ZNF292: variants seen among roughly 807,000 people sequenced by gnomAD.
The protein encoded by ZNF292 is zinc finger protein 292.
Under a neutral mutation model 217.9 loss-of-function variants are expected in ZNF292, and 26 were observed. The ratio of observed to expected loss-of-function variants is 0.12; its 90% CI spans 0.09 to 0.17. The LOEUF (loss-of-function observed/expected upper bound fraction) is 0.17. Among genes scored for constraint, ZNF292 ranks in the 10% least tolerant of loss-of-function variants. The pLI is 1.00. For synonymous variants in ZNF292, 1,257 were observed against 1,124.1 expected, an observed-to-expected ratio of 1.12 and a Z score of -2.37; for missense variants, 2,904 against 3,175.2, an observed-to-expected ratio of 0.91 and a Z score of 2.05.
chr6:87,184,655 A>G (rs1771584228), intron 1 of ZNF292, among the ~76,000 whole-genome samples: 1 of 152,172 alleles, frequency 6.6e-6, no homozygotes, highest in African/African-American at 2.4e-5. Flanking sequence ...GAATTCACAT[A>G]AGAGATTCTG....
At chr6:87,237,033 A>G (rs1375839335) in intron 5 of ZNF292, among the ~76,000 whole-genome samples, 3 of 152,222 alleles carry the variant, frequency 2.0e-5, no homozygotes, top group African/African-American at 4.8e-5. Flanking sequence ...GGTTCAAACT[A>G]TCCTCCAGAA....
intron 1 of ZNF292, among the ~76,000 whole-genome samples, chr6:87,191,952 A>G (rs932214211): frequency 3.3e-5 from 5 of 152,254 alleles, no homozygotes; most frequent in Admixed American, 1.3e-4. Flanking sequence ...GTGAGCCACC[A>G]TGCCTGGCAC....
chr6:87,264,908 C>CA lies in ZNF292; in HGVS notation c.*3113dup, dbSNP rs1328650833. On this transcript the variant is annotated 3_prime_UTR_variant, in exon 8 of 8. Transcript: ENST00000369577. Reference sequence around the variant, plus strand: ...TTAGGGGGACCTAAAATAGTCCAGGCAAAAAATGATGGGAGCCAGAAGAAA... The same window carrying CA: ...TTAGGGGGACCTAAAATAGTCCAGGCAAAAAAATGATGGGAGCCAGAAGAAA... Among the ~76,000 whole-genome samples, 1 of 151,770 alleles carries CA rather than the reference C, an allele frequency of 6.6e-6. No homozygotes were observed. The highest frequency in any genetic ancestry group is 2.4e-5 in the African/African-American group (1 of 41,326).
chr6:87,163,278 C>T (rs909387578), intron 1 of ZNF292, among the ~76,000 whole-genome samples: 3 of 151,888 alleles, frequency 2.0e-5, no homozygotes, highest in African/African-American at 4.8e-5. Flanking sequence ...GGTGAAACCC[C>T]GTCTCTACTA....
intron 1 of ZNF292, among the ~76,000 whole-genome samples, chr6:87,211,219 G>T (rs1772469032): frequency 6.6e-6 from 1 of 152,056 alleles, no homozygotes; most frequent in South Asian, 2.1e-4. Flanking sequence ...TCTGTTTTTG[G>T]TTTACTCTAA....
chr6:87,210,641 T>G (rs7770509), intron 1 of ZNF292, among the ~76,000 whole-genome samples: 58,852 of 152,034 alleles, frequency 0.39, 11,595 homozygotes, highest in Non-Finnish European at 0.41. Context: ...GTAGCCAGGC[T>G]TGGTGGCGGG....
chr6:87,243,668 G>T (rs947508476), intron 6 of ZNF292, 57 bp downstream of exon 6: 12 of 1,366,636 alleles, frequency 8.8e-6, no homozygotes, highest in Middle Eastern at 1.9e-4. Flanking sequence ...TGCAAAATAG[G>T]CTGTGAGAAT....
chr6:87,250,469 A>T (rs1158751845), intron 7 of ZNF292, among the ~76,000 whole-genome samples: 1 of 152,152 alleles, frequency 6.6e-6, no homozygotes, highest in Non-Finnish European at 1.5e-5. Flanking sequence ...GGAAAAAAAA[A>T]TTCTATAGAG....
intron 1 of ZNF292, among the ~76,000 whole-genome samples, chr6:87,187,740 A>G (rs1240095288): frequency 1.5e-5 from 2 of 134,226 alleles, no homozygotes; most frequent in Admixed American, 7.7e-5. Context: ...AAAAAGTTTG[A>G]TATTTGCTGT....
intron 1 of ZNF292, among the ~76,000 whole-genome samples, chr6:87,171,221 G>A (rs1235842760): frequency 6.6e-6 from 1 of 152,086 alleles, no homozygotes; most frequent in African/African-American, 2.4e-5. Flanking sequence ...GGAGATTAGT[G>A]GCTTTATAGT....
chr6:87,239,126 A>G (rs1774066224), intron 5 of ZNF292, among the ~76,000 whole-genome samples: 1 of 152,268 alleles, frequency 6.6e-6, no homozygotes, highest in African/African-American at 2.4e-5. Context: ...TCTTTTCCCC[A>G]CATTTCCCCC....
At chr6:87,156,523 C>G (rs1393736133) in intron 1 of ZNF292, among the ~76,000 whole-genome samples, 2 of 152,238 alleles carry the variant, frequency 1.3e-5, no homozygotes, top group African/African-American at 4.8e-5. Flanking sequence ...GAGTCCGTTT[C>G]TCATTTGCTT....
chr6:87,196,432 A>G (rs1049298518), intron 1 of ZNF292, among the ~76,000 whole-genome samples: 1 of 152,206 alleles, frequency 6.6e-6, no homozygotes, highest in Non-Finnish European at 1.5e-5. Flanking sequence ...AAATCAGTGT[A>G]TCACTGGGAG....
chr6:87,170,976 CT>C (rs759131048), intron 1 of ZNF292, among the ~76,000 whole-genome samples: 1 of 152,112 alleles, frequency 6.6e-6, no homozygotes, highest in Non-Finnish European at 1.5e-5. Flanking sequence ...TTTGGAAACA[CT>C]TTGGATGTTT....
chr6:87,170,865 A>G (rs1335783906), intron 1 of ZNF292, among the ~76,000 whole-genome samples: 1 of 152,124 alleles, frequency 6.6e-6, no homozygotes, highest in Non-Finnish European at 1.5e-5. Context: ...TATCCTTCAA[A>G]TGGGGACCTT....
chr6:87,195,917 A>T (rs1210760636), intron 1 of ZNF292, among the ~76,000 whole-genome samples: 1 of 151,868 alleles, frequency 6.6e-6, no homozygotes, highest in Non-Finnish European at 1.5e-5. Context: ...AATCCTTGCT[A>T]ACCAGGAGGC....
intron 1 of ZNF292, among the ~76,000 whole-genome samples, chr6:87,172,818 G>A (rs572999340): frequency 1.3e-5 from 2 of 151,342 alleles, no homozygotes; most frequent in East Asian, 3.9e-4. Context: ...GAAATGAGAG[G>A]ATCACCTGAG....
intron 5 of ZNF292, among the ~76,000 whole-genome samples, chr6:87,238,346 C>T (rs191313434): frequency 1.5e-4 from 23 of 151,860 alleles, no homozygotes; most frequent in African/African-American, 5.1e-4. Flanking sequence ...ATTAGCCAGT[C>T]GTGGTGGCAC....
At position 87,180,875 on chromosome 6, in the gene ZNF292, A is replaced by G. The variant is rs369705002; in HGVS notation, c.168+25116A>G. On this transcript the variant is annotated intron_variant, in intron 1 of 7. Coordinates refer to ENST00000369577, the MANE Select transcript of ZNF292 (RefSeq NM_015021.3). ...CATTGATAGTTATTTTCCTATTACA[A>G]TTAATAATTGTAATTGAGAGTTCCC... 6.9e-4 allele frequency among the ~76,000 whole-genome samples: 105 copies of G among 152,242 alleles called. 5 individuals carry two copies. The South Asian group carries it at 0.02, about 29-fold the overall frequency.
Sources: allele counts gnomAD v4.1 joint callset (sites outside exome capture counted in the v4.1 genomes callset), GRCh38; gene constraint gnomAD v4.1.1; transcripts MANE v1.5; gene names NCBI Gene and HGNC (gene_info 2026-07-23, HGNC 2026-07-21).